PAX8: variants seen among roughly 807,000 people sequenced by gnomAD.
The protein encoded by PAX8 is paired box protein Pax-8.
Under a neutral mutation model 52.4 loss-of-function variants are expected in PAX8, and 15 were observed. That is an observed-to-expected ratio of 0.29 (90% CI 0.19 to 0.44). The LOEUF is 0.44. Among genes scored for constraint, PAX8 ranks in the 20% least tolerant of loss-of-function variants. The probability of loss-of-function intolerance (pLI) is 1.00; values close to 1 mark genes in which losing one functional copy is unlikely to be tolerated. For synonymous variants in PAX8, 284 were observed against 249.7 expected (o/e 1.14, Z -1.29); for missense variants, 554 against 602.5 (o/e 0.92, Z 0.84).
rs1689023847 is a variant in PAX8 at position 113,216,187 on chromosome 2, A to T, written c.*2346T>A. On this transcript the variant is annotated 3_prime_UTR_variant, in exon 12 of 12. Coordinates refer to ENST00000429538, the MANE Select transcript of PAX8 (RefSeq NM_003466.4). Reference sequence around the variant, plus strand: ...CTCGGGATCCCAGAGGTTTGTGGTCAGGAAGACTCTCAGATGTCATGGATT... The same window carrying T: ...CTCGGGATCCCAGAGGTTTGTGGTCTGGAAGACTCTCAGATGTCATGGATT... 4.3e-6 allele frequency: 1 copy of T among 230,344 alleles called. No homozygotes were observed. Among genetic ancestry groups the T allele is most frequent in the Non-Finnish European group, 8.6e-6 (1 of 116,270 alleles). The allele number at this position is 230,344 out of a possible 1,614,324, so 14.3% of individuals were successfully genotyped here. A position where few individuals can be genotyped will look rare whatever the true frequency, so the allele number is the denominator to read the frequency against.
intron 10 of PAX8, among the ~76,000 whole-genome samples, chr2:113,225,021 T>G (rs909925494): frequency 6.6e-6 from 1 of 151,962 alleles, no homozygotes; most frequent in African/African-American, 2.4e-5. Context: ...GACTTGAAAT[T>G]GAAAAATCCG....
In PAX8 at chr2:113,216,011, G is replaced by C; in HGVS notation, c.*2522C>G. ...TTAAACCATGGTCACCTTAGTCAAA[G>C]CACAGCCCAAGCCCCTTTATTGGTT... On this transcript the variant is annotated 3_prime_UTR_variant, in exon 12 of 12. Transcript: ENST00000429538. 4.7e-6 allele frequency: 1 copy of C among 211,790 alleles called. No homozygotes were observed. Among genetic ancestry groups the C allele is most frequent in the East Asian group, 7.1e-5 (1 of 14,148 alleles). 13.1% of individuals were successfully genotyped at this position (211,790 alleles called of 1,614,324 possible).
chr2:113,242,671 C>T lies in PAX8; in HGVS notation c.478+19G>A, dbSNP rs1422419753. On this transcript the variant is annotated intron_variant, in intron 5 of 11. Coordinates refer to ENST00000429538, the MANE Select transcript of PAX8 (RefSeq NM_003466.4). ...GTGTACACGAGCATGTGTGTGTATCCAGGTCTCTCAGCACTCACTCAGCGT... is the reference window on the plus strand; with the variant it reads ...GTGTACACGAGCATGTGTGTGTATCTAGGTCTCTCAGCACTCACTCAGCGT... The T allele has an allele frequency of 5.8e-6, 9 of 1,564,092 alleles. No homozygotes were observed. The Admixed American group carries it at 1.5e-4, about 26-fold the overall frequency.
intron 9 of PAX8, among the ~76,000 whole-genome samples, chr2:113,234,481 G>A (rs1239959187): frequency 6.6e-6 from 1 of 152,148 alleles, no homozygotes; most frequent in Non-Finnish European, 1.5e-5. Flanking sequence ...TTGATCTAGA[G>A]GCTCCCTCAG....
intron 2 of PAX8, among the ~76,000 whole-genome samples, chr2:113,263,934 A>G (rs1038074183): frequency 1.3e-5 from 2 of 152,186 alleles, no homozygotes; most frequent in East Asian, 1.9e-4. Context: ...AAAGAAGAAG[A>G]AAAAAAAGGA....
chr2:113,275,005 G>A (rs4849190), intron 2 of PAX8: 151,851 of 152,360 alleles, frequency 1, 75,674 homozygotes, highest in Non-Finnish European at 1. Flanking sequence ...GTGTCCCTTA[G>A]TAATTAAAAT....
rs916191627 is a variant in PAX8 at position 113,217,738 on chromosome 2, A to G, written c.*795T>C. 8 of 232,610 alleles carry G rather than the reference A, an allele frequency of 3.4e-5. No individual in the cohort carries two copies. Among genetic ancestry groups the G allele is most frequent in the Non-Finnish European group, 5.9e-5 (7 of 117,736 alleles). The allele number at this position is 232,610 out of a possible 1,614,324, so 14.4% of individuals were successfully genotyped here. On this transcript the variant is annotated 3_prime_UTR_variant, in exon 12 of 12. Transcript: ENST00000429538. ...TCTGCCCTGGGTGAAGCCGCACACCACACCTCACCTCCCAGGGGCCCAGGC... is the reference window on the plus strand; with the variant it reads ...TCTGCCCTGGGTGAAGCCGCACACCGCACCTCACCTCCCAGGGGCCCAGGC...
chr2:113,254,192 A>G (rs1021134643), intron 2 of PAX8, among the ~76,000 whole-genome samples: 6 of 152,210 alleles, frequency 3.9e-5, no homozygotes, highest in Admixed American at 3.3e-4. Flanking sequence ...TCATTTATCC[A>G]TTCTACATGT....
In PAX8 at chr2:113,278,375, C is replaced by G. The variant is rs979804694; in HGVS notation, c.20G>C (p.Arg7Thr). 6.2e-7 allele frequency: 1 copy of G among 1,608,038 alleles called. No homozygotes were observed. The highest frequency in any genetic ancestry group is 1.1e-5 in the South Asian group (1 of 90,750). Residue 7 changes from arginine to threonine, a missense_variant, in exon 2 of 12, where the codon AGA (arginine) becomes ACA (threonine). Arg to Thr is a moderately conservative substitution (Grantham distance 71). Transcript: ENST00000429538. ...TGACCACACCGCGTTCTTACCAGAT[C>G]TGATGGAGTTGTGAGGCATCGCCGG... is the stretch of plus-strand genomic sequence containing the variant. MPHNSI[R>T]SGHGGLNQLG...
Position 113,236,623 on chromosome 2 carries a change from G to T in PAX8, c.876C>A (p.His292Gln), listed in dbSNP as rs1214718737. 1.9e-6 allele frequency: 3 copies of T among 1,589,164 alleles called. No individual in the cohort carries two copies. Among genetic ancestry groups the T allele is most frequent in the African/African-American group, 2.7e-5 (2 of 74,532 alleles). Residue 292 changes from histidine to glutamine, a missense_variant, in exon 8 of 12, where the codon CAC becomes CAA. By Grantham distance (24) the His-to-Gln change is conservative (BLOSUM62 0). Around this residue, in one of 2 missense-constraint regions of PAX8, gnomAD observed 445 missense variants for 409.9 expected, o/e 1.09. Transcript: ENST00000429538. ...TACCTGCCACCACGGGGTAGGTCTG[G>T]TGAGTCGAGAGGTTGCGCCCCAGTG... Reference protein sequence around the residue: ...NTPLGRNLSTHQTYPVVADPH... With the variant: ...NTPLGRNLSTQQTYPVVADPH...
rs1316670201 is a variant in PAX8, at chr2:113,218,163, A to G, written c.*370T>C. ...ATGGAGCCATGGAGGTGCCCTGTGC[A>G]CCCCTTGGGCCCGGGCAGGAACCAT... On this transcript the variant is annotated 3_prime_UTR_variant, in exon 12 of 12. Transcript: ENST00000429538. 7 of 262,648 alleles carry G rather than the reference A, an allele frequency of 2.7e-5. No homozygotes were observed. The highest frequency in any genetic ancestry group is 1.3e-4 in the African/African-American group (6 of 46,160). 16.3% of individuals were successfully genotyped at this position (262,648 alleles called of 1,614,324 possible). A position where few individuals can be genotyped will look rare whatever the true frequency, so the allele number is the denominator to read the frequency against.
Position 113,241,597 on chromosome 2 carries a change from T to C in PAX8, c.731A>G (p.His244Arg). The change falls in exon 7 of 12, where the codon CAC becomes CGC. Residue 244 changes from histidine (H) to arginine (R), a missense_variant. By Grantham distance (29) the His-to-Arg change is conservative. This residue lies in a region of PAX8 where 445 missense variants were observed against 409.9 expected (regional missense o/e 1.09). Coordinates refer to ENST00000429538, the MANE Select transcript of PAX8 (RefSeq NM_003466.4). ...EPLECPFERQ[H>R]YPEAYASPSH... Reference sequence around the variant, plus strand: ...GGGGGAGGCATAGGCCTCTGGGTAGTGCTGCCGCTCAAATGGGCACTCGAG... The same window carrying C: ...GGGGGAGGCATAGGCCTCTGGGTAGCGCTGCCGCTCAAATGGGCACTCGAG... The C allele has an allele frequency of 6.2e-7, 1 of 1,612,952 alleles. No homozygotes were observed. Among genetic ancestry groups the C allele is most frequent in the Non-Finnish European group, 8.5e-7 (1 of 1,179,860 alleles).
At chr2:113,242,618 G>A in intron 5 of PAX8, 72 bp downstream of exon 5, 1 of 989,414 alleles carries the variant, frequency 1.0e-6, no homozygotes, top group Admixed American at 1.7e-5. Context: ...GTGTGCCTCT[G>A]TGTATATGTG....
rs769616888 is a variant in PAX8, at chr2:113,262,002, G to A, written c.26-15083C>T. Among the ~76,000 whole-genome samples, 103 of 151,914 alleles carry A rather than the reference G, an allele frequency of 6.8e-4. 1 individual carries two copies. The highest frequency in any genetic ancestry group is 1.5e-4 in the Non-Finnish European group (10 of 67,962). ...CCACCACCATGCCCAGCTAATTTTT[G>A]TATTTTTAGTACAGACAGGGTTTCG... On this transcript the variant is annotated intron_variant, in intron 2 of 11. Transcript: ENST00000429538.
intron 3 of PAX8, 145 bp downstream of exon 3, chr2:113,246,609 C>A: frequency 1.2e-6 from 1 of 834,362 alleles, no homozygotes; most frequent in Non-Finnish European, 1.9e-6. Context: ...GAAGGACCAC[C>A]ATAACTGTTC....
chr2:113,241,839 A>T, intron 6 of PAX8, 113 bp from the exon 7 acceptor site: 2 of 1,476,258 alleles, frequency 1.4e-6, no homozygotes, highest in Non-Finnish European at 1.9e-6. Context: ...AAAAAGGGCC[A>T]GCCACGTGGG....
intron 2 of PAX8, among the ~76,000 whole-genome samples, chr2:113,255,052 G>C (rs1298733338): frequency 2.0e-5 from 3 of 149,584 alleles, no homozygotes; most frequent in Admixed American, 2.0e-4. Context: ...GGAAGGGAAG[G>C]AGGAAGGAAG....
Position 113,236,653 on chromosome 2 carries a change from G to GT in PAX8, c.845dup (p.Asn282LysfsTer37). 6.3e-7 allele frequency: 1 copy of GT among 1,596,010 alleles called. No homozygotes were observed. Among genetic ancestry groups the GT allele is most frequent in the Non-Finnish European group, 8.5e-7 (1 of 1,171,758 alleles). On this transcript the variant is annotated frameshift_variant, in exon 8 of 12. Transcript: ENST00000429538. LOFTEE classifies it high-confidence loss of function. ...TCGAGAGGTTGCGCCCCAGTGGCGT[G>GT]TTGGAAGGGGTCAGGGTGGCCTTCC...
chr2:113,256,316 TA>T (rs1186565317), intron 2 of PAX8, among the ~76,000 whole-genome samples: 2 of 152,200 alleles, frequency 1.3e-5, no homozygotes, highest in Non-Finnish European at 2.9e-5. Flanking sequence ...TTATCAGAGC[TA>T]CATGTTTAGA....
Sources: gnomAD v4.1 joint callset for allele counts (sites outside exome capture counted in the v4.1 genomes callset) on GRCh38, gnomAD v4.1.1 for gene constraint, gnomAD v4.1.1 regional missense constraint, MANE v1.5 for transcripts, NCBI Gene and HGNC (gene_info 2026-07-23, HGNC 2026-07-21) for gene names.